SCARA3: variants seen among roughly 807,000 people sequenced by gnomAD.
SCARA3 encodes cellular stress response gene protein.
In SCARA3, 39 loss-of-function variants were observed where a neutral mutation model predicts 47.0. The ratio of observed to expected loss-of-function variants is 0.83; its 90% CI spans 0.64 to 1.08. The LOEUF is 1.08. SCARA3 is among the 50% of genes least tolerant of loss of function. The pLI is 0.00. For synonymous variants in SCARA3, 356 were observed against 334.1 expected, an observed-to-expected ratio of 1.07 and a Z score of -0.71; for missense variants, 724 against 792.3, an observed-to-expected ratio of 0.91 and a Z score of 1.04.
chr8:27,708,584 G>C, the SCARA3 span, among the ~76,000 whole-genome samples: 2 of 151,984 alleles, frequency 1.3e-5, no homozygotes, highest in Non-Finnish European at 2.9e-5. Context: ...TAATATTATA[G>C]AGATAACTAC....
Position 27,658,689 on chromosome 8 carries a change from T to G in SCARA3, c.519T>G (p.Ser173Arg), listed in dbSNP as rs374784860. The stretch of plus-strand genomic sequence containing the variant: ...GACAAATCTCCCAGGAGATGGGCAG[T>G]TGCTCCTTCTCCATCCACCAGGTTA... ...TSRQISQEMG[S>R]CSFSIHQVNQ... Residue 173 changes from serine to arginine, a missense_variant, in exon 5 of 6, where the codon AGT becomes AGG. Ser to Arg is a moderately radical substitution (Grantham distance 110). Coordinates refer to ENST00000301904, the MANE Select transcript of SCARA3 (RefSeq NM_016240.3). 154 of 1,614,056 alleles carry G rather than the reference T, an allele frequency of 9.5e-5. 1 individual carries two copies. Among genetic ancestry groups the G allele is most frequent in the Middle Eastern group, 5.0e-4 (3 of 6,060 alleles).
chr8:27,731,501 A>G, the SCARA3 span, among the ~76,000 whole-genome samples: 105 of 152,182 alleles, frequency 6.9e-4, 1 homozygote, highest in African/African-American at 2.5e-3. Context: ...TAAAAAAATT[A>G]GCCAGGAGTG....
rs1267409388 is a variant in SCARA3 at position 27,670,997 on chromosome 8, G to A, written c.1467G>A (p.Leu489=). ...GRGPKGDPGS[L]GPLGPQGPQG... is the part of the protein sequence containing the mutation. ...GCCCGAAAGGAGACCCCGGCAGCTTGGGCCCCCTGGGACCCCAGGGTCCTC... is the reference window on the plus strand; with the variant it reads ...GCCCGAAAGGAGACCCCGGCAGCTTAGGCCCCCTGGGACCCCAGGGTCCTC... Residue 489 remains leucine, a synonymous_variant, in exon 6 of 6, where the codon TTG becomes TTA. Transcript: ENST00000301904. 2 of 1,608,990 alleles carry A rather than the reference G, an allele frequency of 1.2e-6. No homozygotes were observed. Among genetic ancestry groups the A allele is most frequent in the South Asian group, 2.2e-5 (2 of 90,552 alleles).
chr8:27,656,311 G>A (rs556151810), intron 3 of SCARA3, among the ~76,000 whole-genome samples: 1 of 152,218 alleles, frequency 6.6e-6, no homozygotes, highest in South Asian at 2.1e-4. Context: ...AAAACACATA[G>A]CATATTTAGG....
intron 1 of SCARA3, among the ~76,000 whole-genome samples, chr8:27,637,167 C>A (rs1801271402): frequency 6.6e-6 from 1 of 152,242 alleles, no homozygotes; most frequent in Non-Finnish European, 1.5e-5. Flanking sequence ...CCAGGGCCCA[C>A]TCTGCCAGCC....
intron 1 of SCARA3, among the ~76,000 whole-genome samples, chr8:27,637,671 C>T (rs1018289890): frequency 5.9e-5 from 9 of 152,060 alleles, no homozygotes; most frequent in African/African-American, 2.2e-4. Context: ...GTGGCCAGGG[C>T]AGGGGGCAGC....
At chr8:27,729,936 C>T in the SCARA3 span, among the ~76,000 whole-genome samples, 4 of 152,138 alleles carry the variant, frequency 2.6e-5, no homozygotes, top group African/African-American at 9.7e-5. Context: ...ATATCCTCAC[C>T]CACACAAGAG....
intron 1 of SCARA3, among the ~76,000 whole-genome samples, chr8:27,642,659 C>G (rs1402977651): frequency 6.6e-6 from 1 of 152,006 alleles, no homozygotes; most frequent in African/African-American, 2.4e-5. Flanking sequence ...CTTGTCTCTA[C>G]AAAAAATAAG....
At chr8:27,695,906 A>G in the SCARA3 span, among the ~76,000 whole-genome samples, 1 of 152,202 alleles carries the variant, frequency 6.6e-6, no homozygotes, top group Non-Finnish European at 1.5e-5. Flanking sequence ...ATGTTCTAAC[A>G]CACATGAAAT....
intron 1 of SCARA3, 142 bp downstream of exon 1, chr8:27,634,349 T>A: frequency 7.5e-6 from 5 of 668,978 alleles, no homozygotes; most frequent in Non-Finnish European, 1.1e-5. Context: ...TTTTTGGGCA[T>A]CCTGCGAGAC....
chr8:27,652,653 G>A (rs1454901086), intron 3 of SCARA3, among the ~76,000 whole-genome samples: 2 of 152,184 alleles, frequency 1.3e-5, no homozygotes, highest in Non-Finnish European at 2.9e-5. Flanking sequence ...ATAGACACAA[G>A]TCGTCTTCCA....
intron 1 of SCARA3, among the ~76,000 whole-genome samples, chr8:27,642,635 C>T (rs1270097851): frequency 6.6e-6 from 1 of 152,062 alleles, no homozygotes; most frequent in Non-Finnish European, 1.5e-5. Context: ...CCAGCCTGGG[C>T]AACATAGTGA....
chr8:27,732,500 A>G, the SCARA3 span, among the ~76,000 whole-genome samples: 1 of 152,254 alleles, frequency 6.6e-6, no homozygotes, highest in East Asian at 1.9e-4. Context: ...AAAACTAAGC[A>G]ATCAATTTAA....
chr8:27,721,485 A>G, the SCARA3 span, among the ~76,000 whole-genome samples: 1 of 152,216 alleles, frequency 6.6e-6, no homozygotes, highest in South Asian at 2.1e-4. Context: ...AAAGCAAGAA[A>G]TATAAAGAAC....
At chr8:27,715,871 TAGATAGATAGAA>T in the SCARA3 span, among the ~76,000 whole-genome samples, 6 of 141,430 alleles carry the variant, frequency 4.2e-5, no homozygotes, top group African/African-American at 8.2e-5. The surrounding 1 kb of genome is among the most constrained non-coding windows in gnomAD (Gnocchi z 4.2). Flanking sequence ...GATACATAGA[TAGATAGATAGAA>T]AGAAACATAG....
At chr8:27,699,103 G>A in the SCARA3 span, among the ~76,000 whole-genome samples, 1 of 151,860 alleles carries the variant, frequency 6.6e-6, no homozygotes, top group Non-Finnish European at 1.5e-5. Flanking sequence ...AATTAGCCGG[G>A]CATGGTGGCG....
the SCARA3 span, among the ~76,000 whole-genome samples, chr8:27,715,992 C>T: frequency 6.6e-6 from 1 of 152,102 alleles, no homozygotes; most frequent in Non-Finnish European, 1.5e-5. The surrounding 1 kb of genome is among the most constrained non-coding windows in gnomAD (Gnocchi z 4.2). Context: ...CATGCCTGGC[C>T]CTGACATCTT....
the SCARA3 span, among the ~76,000 whole-genome samples, chr8:27,704,123 G>A: frequency 1.3e-5 from 2 of 151,936 alleles, no homozygotes; most frequent in African/African-American, 4.8e-5. Context: ...AGGAGTGAAA[G>A]AGGGAAAGGA....
In SCARA3 at chr8:27,658,414, T is replaced by C. The variant is rs995354974; in HGVS notation, c.326-82T>C. On this transcript the variant is annotated intron_variant, in intron 4 of 5. Coordinates refer to ENST00000301904, the MANE Select transcript of SCARA3 (RefSeq NM_016240.3). The stretch of plus-strand genomic sequence containing the variant: ...TGGGAAGCTACTAACCAATTTCTTA[T>C]GCTCTGAAATATTTAATTTAAAGAG... 1.3e-5 allele frequency: 17 copies of C among 1,326,046 alleles called. No individual in the cohort carries two copies. In the African/African-American group the frequency reaches 1.9e-4, roughly 15 times the overall value. 82.1% of individuals were successfully genotyped at this position (1,326,046 alleles called of 1,614,324 possible).
Sources: gnomAD v4.1 joint callset for allele counts (sites outside exome capture counted in the v4.1 genomes callset) on GRCh38, gnomAD v4.1.1 for gene constraint, Gnocchi (gnomAD v3.1) non-coding constraint, MANE v1.5 for transcripts, NCBI Gene and HGNC (gene_info 2026-07-23, HGNC 2026-07-21) for gene names.